The following CSRNP3 variants were observed in gnomAD, a reference collection of about 807,000 sequenced individuals.
CSRNP3 encodes cysteine and serine rich nuclear protein 3.
In CSRNP3, 12 loss-of-function variants were observed where a neutral mutation model predicts 48.0. The observed-to-expected ratio is 0.25, with a 90% CI of 0.16 to 0.41. The LOEUF (loss-of-function observed/expected upper bound fraction) is 0.41. Ranked by LOEUF, CSRNP3 falls within the 10% of genes least tolerant of loss-of-function variation. The pLI is 1.00. For synonymous variants in CSRNP3, 263 were observed against 269.7 expected, an observed-to-expected ratio of 0.98 and a Z score of 0.24; for missense variants, 580 against 724.4, an observed-to-expected ratio of 0.80 and a Z score of 2.29.
intron 4 of CSRNP3, among the ~76,000 whole-genome samples, chr2:165,596,446 A>T (rs1047875951): frequency 6.6e-6 from 1 of 152,174 alleles, no homozygotes; most frequent in Non-Finnish European, 1.5e-5. Context: ...CAACTAAATG[A>T]TTTAAACATA....
At chr2:165,551,828 G>C (rs1335772914) in intron 3 of CSRNP3, among the ~76,000 whole-genome samples, 1 of 152,126 alleles carries the variant, frequency 6.6e-6, no homozygotes, top group Non-Finnish European at 1.5e-5. Context: ...TTTAGGCTGT[G>C]ATGTCAACCT....
chr2:165,523,391 C>A (rs1422679568), intron 3 of CSRNP3, among the ~76,000 whole-genome samples: 1 of 152,130 alleles, frequency 6.6e-6, no homozygotes, highest in Non-Finnish European at 1.5e-5. Context: ...TCTTCACCAC[C>A]ATCCAATTTC....
Position 165,580,029 on chromosome 2 carries a change from C to T in CSRNP3, c.-23-15014C>T, listed in dbSNP as rs1454300078. Among the ~76,000 whole-genome samples, 56 of 150,840 alleles carry T rather than the reference C, an allele frequency of 3.7e-4. 1 individual carries two copies. The highest frequency in any genetic ancestry group is 3.7e-3 in the Admixed American group (56 of 15,118). ...CCGCAAGCTCCACCTCCCGGGTTCA[C>T]GCCATTCTCCTGCCTCAGCCTCCTG... On this transcript the variant is annotated intron_variant, in intron 3 of 6. Coordinates refer to ENST00000651982, the MANE Select transcript of CSRNP3 (RefSeq NM_001172173.2).
chr2:165,626,962 G>A (rs899929666), intron 4 of CSRNP3, among the ~76,000 whole-genome samples: 1 of 151,990 alleles, frequency 6.6e-6, no homozygotes, highest in African/African-American at 2.4e-5. Context: ...TGCTGGCCTC[G>A]TTTCTCATGG....
chr2:165,595,365 G>T (rs2105295602), intron 4 of CSRNP3, 152 bp downstream of exon 4: 4 of 686,266 alleles, frequency 5.8e-6, no homozygotes. Context: ...TATTTTTCGG[G>T]TGACTCAGTA....
At position 165,541,065 on chromosome 2, in the gene CSRNP3, A is replaced by G. The variant is rs181245385; in HGVS notation, c.-24+23104A>G. ...CTTGAGCTTAGAGTCAATATTTTAT[A>G]TACCACCAAACAATCAACCTATTTT... On this transcript the variant is annotated intron_variant, in intron 3 of 6. Coordinates refer to ENST00000651982, the MANE Select transcript of CSRNP3 (RefSeq NM_001172173.2). 3.1e-4 allele frequency among the ~76,000 whole-genome samples: 47 copies of G among 152,120 alleles called. 1 individual carries two copies. Among genetic ancestry groups the G allele is most frequent in the Non-Finnish European group, 4.4e-5 (3 of 67,958 alleles).
At chr2:165,490,618 A>G (rs1369874032) in intron 1 of CSRNP3, among the ~76,000 whole-genome samples, 3 of 144,264 alleles carry the variant, frequency 2.1e-5, no homozygotes, top group Admixed American at 7.1e-5. Context: ...TCAATGGAAC[A>G]GAACAGAGCC....
intron 4 of CSRNP3, among the ~76,000 whole-genome samples, chr2:165,599,283 GAGAAAGAAAGAAAGAAAGAA>G (rs752383197): frequency 3.8e-5 from 4 of 104,746 alleles, no homozygotes; most frequent in Admixed American, 3.3e-4. Context: ...AAGAGAGAGA[GAGAAAGAAAGAAAGAAAGAA>G]AGAAAGAAAG....
intron 4 of CSRNP3, among the ~76,000 whole-genome samples, chr2:165,637,544 G>GT (rs1187529741): frequency 6.6e-6 from 1 of 152,178 alleles, no homozygotes; most frequent in East Asian, 1.9e-4. Context: ...TTACTGAGTG[G>GT]TTTCTGCTCT....
intron 3 of CSRNP3, among the ~76,000 whole-genome samples, chr2:165,527,331 C>T (rs1053107646): frequency 1.3e-5 from 2 of 151,024 alleles, no homozygotes; most frequent in African/African-American, 2.4e-5. Context: ...CTCAGCCTCC[C>T]GAGTAGCTGG....
At chr2:165,653,306 T>C (rs964793266) in intron 4 of CSRNP3, among the ~76,000 whole-genome samples, 1 of 152,216 alleles carries the variant, frequency 6.6e-6, no homozygotes, top group African/African-American at 2.4e-5. Flanking sequence ...TTTGAATCAT[T>C]GTTCTCACAA....
chr2:165,612,900 A>T (rs745572254), intron 4 of CSRNP3, among the ~76,000 whole-genome samples: 2 of 151,990 alleles, frequency 1.3e-5, no homozygotes, highest in Non-Finnish European at 2.9e-5. Flanking sequence ...TATCTCTTCA[A>T]TATACTGATT....
At chr2:165,474,532 G>A (rs1219405660) in intron 1 of CSRNP3, among the ~76,000 whole-genome samples, 2 of 152,126 alleles carry the variant, frequency 1.3e-5, no homozygotes, top group Non-Finnish European at 2.9e-5. Context: ...AGAAACATGG[G>A]ACTGCCGTGT....
chr2:165,579,008 G>A (rs1685497634), intron 3 of CSRNP3, among the ~76,000 whole-genome samples: 2 of 152,030 alleles, frequency 1.3e-5, no homozygotes, highest in African/African-American at 4.8e-5. Flanking sequence ...GGAATGACAT[G>A]ATACATACCT....
rs1687186804 is a variant in CSRNP3 at position 165,666,057 on chromosome 2, A to AGG, written c.408+8038_408+8039dup. On this transcript the variant is annotated intron_variant, in intron 5 of 6. Transcript: ENST00000651982. ...GAAGGGAGGAAGGAAGGAAAGAGAG[A>AGG]GGAAGAAAGAAAGAGAGAGAGAGAA... Among the ~76,000 whole-genome samples the AGG allele has an allele frequency of 3.0e-5, 2 of 66,916 alleles. 1 individual carries two copies. The highest frequency in any genetic ancestry group is 8.6e-5 in the Non-Finnish European group (2 of 23,186). 43.9% of individuals were successfully genotyped at this position (66,916 alleles called of 152,430 possible). A position where few individuals can be genotyped will look rare whatever the true frequency, so the allele number is the denominator to read the frequency against.
chr2:165,473,428 A>T (rs1182727819), intron 1 of CSRNP3, among the ~76,000 whole-genome samples: 1 of 152,162 alleles, frequency 6.6e-6, no homozygotes, highest in Non-Finnish European at 1.5e-5. Flanking sequence ...ACATGAGAGT[A>T]AGAAAGCTTG....
chr2:165,507,448 T>C (rs545316584), intron 2 of CSRNP3, among the ~76,000 whole-genome samples: 27 of 152,306 alleles, frequency 1.8e-4, no homozygotes, highest in South Asian at 8.3e-4. Flanking sequence ...TCTCTAATTA[T>C]ATTTTTAAAA....
At chr2:165,585,384 C>T (rs576014443) in intron 3 of CSRNP3, among the ~76,000 whole-genome samples, 2 of 152,128 alleles carry the variant, frequency 1.3e-5, no homozygotes, top group Non-Finnish European at 2.9e-5. Flanking sequence ...TTCCGACCTG[C>T]TATCACAGAT....
At chr2:165,568,981 T>TG (rs918331419) in intron 3 of CSRNP3, among the ~76,000 whole-genome samples, 3 of 152,080 alleles carry the variant, frequency 2.0e-5, no homozygotes, top group African/African-American at 7.2e-5. Flanking sequence ...TGCAAACTTT[T>TG]GAAAAAGTAC....
Sources: allele counts gnomAD v4.1 joint callset (sites outside exome capture counted in the v4.1 genomes callset), GRCh38; gene constraint gnomAD v4.1.1; transcripts MANE v1.5; gene names NCBI Gene and HGNC (gene_info 2026-07-23, HGNC 2026-07-21).